The following ADGRE2 variants were observed in gnomAD, a reference collection of about 807,000 sequenced individuals.
ADGRE2 encodes CD97 antigen.
A neutral mutation model predicts 100.8 loss-of-function variants in ADGRE2; 83 were observed. That is an observed-to-expected ratio of 0.82 (90% confidence interval 0.69 to 0.99). ADGRE2 has a LOEUF of 0.99. ADGRE2 is among the 50% of genes least tolerant of loss of function. The pLI, the probability that ADGRE2 is intolerant of heterozygous loss-of-function variation, is 0.00. For missense variants in ADGRE2, 814 were observed against 1,035.7 expected (o/e 0.79, Z 2.94); for synonymous variants, 355 against 413.0 (o/e 0.86, Z 1.70).
intron 5 of ADGRE2, among the ~76,000 whole-genome samples, chr19:14,770,669 C>CTTTT (rs775214778): frequency 8.7e-4 from 74 of 84,978 alleles, no homozygotes; most frequent in Non-Finnish European, 1.2e-3. Flanking sequence ...TCTTTCTTTT[C>CTTTT]TTTTTTTTTT....
chr19:14,757,636 GATT>G (rs1173902366), intron 11 of ADGRE2, among the ~76,000 whole-genome samples: 1 of 152,114 alleles, frequency 6.6e-6, no homozygotes, highest in Non-Finnish European at 1.5e-5. Flanking sequence ...ATAGTGCTGG[GATT>G]ACTGGATAGT....
At chr19:14,751,354 G>T (rs893094186) in intron 16 of ADGRE2, 82 bp downstream of exon 16, 3 of 971,546 alleles carry the variant, frequency 3.1e-6, no homozygotes, top group East Asian at 2.4e-5. Context: ...TTAAAAGCAG[G>T]TGTCATAAAA....
chr19:14,761,130 G>A (rs139334194), intron 11 of ADGRE2, among the ~76,000 whole-genome samples: 5 of 152,280 alleles, frequency 3.3e-5, no homozygotes, highest in East Asian at 3.9e-4. Context: ...GGGGGCAGGC[G>A]TGGTGTCTCA....
chr19:14,749,148 A>G (rs2043182072), intron 16 of ADGRE2, among the ~76,000 whole-genome samples: 2 of 149,952 alleles, frequency 1.3e-5, no homozygotes, highest in South Asian at 4.2e-4. Flanking sequence ...CCCAGGACTC[A>G]AAGGTAAATA....
At chr19:14,731,422 C>T (rs987456136), downstream of ADGRE2, 8 of 562,576 alleles carry the variant, frequency 1.4e-5, no homozygotes, top group Non-Finnish European at 1.9e-5. Context: ...GTAGGTTCCC[C>T]GCAAGGAGAC....
chr19:14,749,296 TA>T (rs1030002101), intron 16 of ADGRE2, among the ~76,000 whole-genome samples: 3 of 66,252 alleles, frequency 4.5e-5, no homozygotes, highest in African/African-American at 1.3e-4. Flanking sequence ...TATATAATTA[TA>T]TGTAATTATA....
chr19:14,755,616 A>C, intron 13 of ADGRE2, 38 bp downstream of exon 13: 1 of 1,582,336 alleles, frequency 6.3e-7, no homozygotes, highest in East Asian at 2.2e-5. Flanking sequence ...GCCCGGACTC[A>C]GACTATTCAC....
chr19:14,760,568 A>T (rs1370067613), intron 11 of ADGRE2, among the ~76,000 whole-genome samples: 6 of 152,040 alleles, frequency 3.9e-5, no homozygotes, highest in Non-Finnish European at 8.8e-5. Context: ...TTCAACCCAA[A>T]ATGTGTCCAC....
chr19:14,755,542 G>C, intron 13 of ADGRE2, 112 bp downstream of exon 13: 1 of 944,538 alleles, frequency 1.1e-6, no homozygotes, highest in Non-Finnish European at 1.7e-6. Context: ...GACTTTCCTG[G>C]GGAGATAATG....
In ADGRE2 at chr19:14,751,938, T is replaced by A. The variant is rs1310193549; in HGVS notation, c.1789-267A>T. Among the ~76,000 whole-genome samples, 322 of 48,228 alleles carry A rather than the reference T, an allele frequency of 6.7e-3. 2 individuals are homozygous for A. The highest frequency in any genetic ancestry group is 0.04 in the African/African-American group (297 of 7,404). 31.6% of individuals were successfully genotyped at this position (48,228 alleles called of 152,430 possible). On this transcript the variant is annotated intron_variant, in intron 15 of 20. Coordinates refer to ENST00000315576, the MANE Select transcript of ADGRE2 (RefSeq NM_013447.4). ...ATATATATATATATATATATTTTTT[T>A]TTTTTTTTTTTTGAGACGGAATTTC...
intron 18 of ADGRE2, among the ~76,000 whole-genome samples, chr19:14,744,358 G>T (rs1283720133): frequency 6.6e-6 from 1 of 152,200 alleles, no homozygotes; most frequent in East Asian, 1.9e-4. Context: ...AATTTGGAAA[G>T]GATAATGATA....
intron 16 of ADGRE2, among the ~76,000 whole-genome samples, chr19:14,749,132 A>G (rs2043181530): frequency 6.7e-6 from 1 of 150,288 alleles, no homozygotes; most frequent in African/African-American, 2.4e-5. Flanking sequence ...TAACCATATA[A>G]TATTCCCCAG....
intron 15 of ADGRE2, among the ~76,000 whole-genome samples, chr19:14,752,087 C>A (rs1427724054): frequency 6.6e-6 from 1 of 151,870 alleles, no homozygotes; most frequent in African/African-American, 2.4e-5. Flanking sequence ...GTATGCGCCA[C>A]CATGCCTGGC....
rs977665216 is a variant in ADGRE2 at position 14,732,620 on chromosome 19, G to C, written c.*3616C>G. On this transcript the variant is annotated 3_prime_UTR_variant, in exon 21 of 21. Transcript: ENST00000315576. Reference sequence around the variant, plus strand: ...ATCTGTTTCTGTACAGCTAAGAATAGTTTTTACATTTTTCAAATGGGTGAA... The same window carrying C: ...ATCTGTTTCTGTACAGCTAAGAATACTTTTTACATTTTTCAAATGGGTGAA... 7 of 152,164 alleles carry C rather than the reference G, an allele frequency of 4.6e-5. No homozygotes were observed. The highest frequency in any genetic ancestry group is 1.7e-4 in the African/African-American group (7 of 41,438). The allele number at this position is 152,164 out of a possible 1,614,324, so 9.4% of individuals were successfully genotyped here.
chr19:14,755,288 A>AC lies in ADGRE2; in HGVS notation c.1417-162_1417-161insG, dbSNP rs2043456430. Among the ~76,000 whole-genome samples, 2 of 116,760 alleles carry AC rather than the reference A, an allele frequency of 1.7e-5. 1 individual carries two copies. Among genetic ancestry groups the AC allele is most frequent in the Non-Finnish European group, 3.5e-5 (2 of 57,926 alleles). 76.6% of individuals were successfully genotyped at this position (116,760 alleles called of 152,430 possible). On this transcript the variant is annotated intron_variant, in intron 13 of 20. Coordinates refer to ENST00000315576, the MANE Select transcript of ADGRE2 (RefSeq NM_013447.4). ...ATCTCTACTAAAAAAAAAAAAAAAA[A>AC]AAAAAAATACAAAAATTAGCTGGGC...
At chr19:14,749,262 A>G (rs1266024951) in intron 16 of ADGRE2, among the ~76,000 whole-genome samples, 1 of 146,632 alleles carries the variant, frequency 6.8e-6, no homozygotes, top group African/African-American at 2.5e-5. Flanking sequence ...AAAATAAAGA[A>G]TTAAGGAAGC....
chr19:14,738,631 G>A (rs151085590), intron 20 of ADGRE2, among the ~76,000 whole-genome samples: 37 of 152,158 alleles, frequency 2.4e-4, no homozygotes, highest in African/African-American at 8.9e-4. Context: ...GCCTGCCTCG[G>A]CCTCCCAAAG....
At chr19:14,728,642 G>A (rs980092067), downstream of ADGRE2, among the ~76,000 whole-genome samples, 2 of 152,166 alleles carry the variant, frequency 1.3e-5, no homozygotes, top group Non-Finnish European at 2.9e-5. Context: ...GACCTATGAC[G>A]ACAATGGAAA....
At chr19:14,761,855 A>G (rs942498879) in intron 11 of ADGRE2, among the ~76,000 whole-genome samples, 5 of 152,216 alleles carry the variant, frequency 3.3e-5, no homozygotes, top group African/African-American at 1.2e-4. Context: ...TGTAAATTAG[A>G]CACTGCCTCC....
Sources: gnomAD v4.1 joint callset for allele counts (sites outside exome capture counted in the v4.1 genomes callset) on GRCh38, gnomAD v4.1.1 for gene constraint, MANE v1.5 for transcripts, NCBI Gene and HGNC (gene_info 2026-07-23, HGNC 2026-07-21) for gene names.